Variants in PIGA observed in about 807,000 individuals in gnomAD.
PIGA encodes phosphatidylinositol glycan anchor biosynthesis class A.
A neutral mutation model predicts 17.1 loss-of-function variants in PIGA; 3 were observed. The ratio of observed to expected loss-of-function variants is 0.18; its 90% CI spans 0.08 to 0.45. The LOEUF (loss-of-function observed/expected upper bound fraction) is 0.45. Among genes scored for constraint, PIGA ranks in the 20% least tolerant of loss-of-function variants. The probability of loss-of-function intolerance (pLI) is 0.99; values close to 1 mark genes in which losing one functional copy is unlikely to be tolerated. For synonymous variants in PIGA, 126 were observed against 135.1 expected (o/e 0.93, Z 0.47); for missense variants, 231 against 374.1 (o/e 0.62, Z 3.16).
intron 1 of PIGA, among the ~76,000 whole-genome samples, chrX:15,333,287 T>C (rs1439183777): frequency 8.9e-6 from 1 of 112,637 alleles, no homozygotes; most frequent in Non-Finnish European, 1.9e-5. Flanking sequence ...TGGTTTACAC[T>C]AAAACACACC....
chrX:15,324,529 C>T, intron 5 of PIGA, 136 bp downstream of exon 5: 1 of 518,760 alleles, frequency 1.9e-6, no homozygotes, highest in Non-Finnish European at 3.3e-6. Flanking sequence ...AAATCTGTTT[C>T]TTTTCACCTG....
rs760682734 is a variant in PIGA, at chrX:15,331,511, G to A, written c.420C>T (p.Phe140=). 1.1e-5 allele frequency: 13 copies of A among 1,211,952 alleles called. No homozygotes were observed. The highest frequency in any genetic ancestry group is 1.2e-5 in the Non-Finnish European group (11 of 895,447). Residue 140 remains phenylalanine (F), a synonymous_variant, in exon 2 of 6, where the codon TTC becomes TTT. Coordinates refer to ENST00000333590, the MANE Select transcript of PIGA (RefSeq NM_002641.4). ...SFSAMAHDAL[F]HAKTMGLQTV... is the part of the protein sequence containing the mutation. Reference sequence around the variant, plus strand: ...TCTGAAGCCCCATTGTCTTGGCGTGGAAGAGAGCATCATGGGCCATAGCAG... The same window carrying A: ...TCTGAAGCCCCATTGTCTTGGCGTGAAAGAGAGCATCATGGGCCATAGCAG...
chrX:15,333,174 G>A (rs945951428), intron 1 of PIGA, among the ~76,000 whole-genome samples: 4 of 111,767 alleles, frequency 3.6e-5, no homozygotes, highest in Non-Finnish European at 7.5e-5. Context: ...CCACAGAGCT[G>A]AAAATATTTA....
intron 1 of PIGA, among the ~76,000 whole-genome samples, chrX:15,334,260 G>A (rs947537135): frequency 6.2e-5 from 6 of 97,513 alleles, no homozygotes; most frequent in South Asian, 4.9e-4. Flanking sequence ...GAGCGATCTC[G>A]TCTCACTGCA....
At chrX:15,329,823 G>C (rs766346470) in intron 2 of PIGA, among the ~76,000 whole-genome samples, 1 of 111,584 alleles carries the variant, frequency 9.0e-6, no homozygotes, top group Non-Finnish European at 1.9e-5. Context: ...AGTGGCTCAC[G>C]CCTGTTAATC....
chrX:15,330,998 T>A (rs893924995), intron 2 of PIGA: 5 of 354,415 alleles, frequency 1.4e-5, no homozygotes, highest in African/African-American at 7.7e-5. Flanking sequence ...TTAGTAACCA[T>A]TAAAACATCA....
Position 15,325,863 on chromosome X carries a change from T to G in PIGA, c.848+51A>C, listed in dbSNP as rs1311210401. 4 of 1,077,713 alleles carry G rather than the reference T, an allele frequency of 3.7e-6. No homozygotes were observed. In the African/African-American group the frequency reaches 7.4e-5, roughly 20 times the overall value. The allele number at this position is 1,077,713 out of a possible 1,213,427, so 88.8% of individuals were successfully genotyped here. A position where few individuals can be genotyped will look rare whatever the true frequency, so the allele number is the denominator to read the frequency against. ...AGGTACGCATGCAGTTAAAACCAAA[T>G]AGAGATAATTGACATCTTCTCCCTC... is the stretch of plus-strand genomic sequence containing the variant. On this transcript the variant is annotated intron_variant, in intron 3 of 5. Coordinates refer to ENST00000333590, the MANE Select transcript of PIGA (RefSeq NM_002641.4).
chrX:15,323,777 C>G (rs1441533220), intron 5 of PIGA, among the ~76,000 whole-genome samples: 1 of 111,853 alleles, frequency 8.9e-6, no homozygotes, highest in East Asian at 2.8e-4. Context: ...TTGCTATCTA[C>G]TCTAGGCTAA....
chrX:15,331,483 C>T lies in PIGA; in HGVS notation c.448G>A (p.Val150Ile). The change falls in exon 2 of 6, where the codon GTC (valine) becomes ATC (isoleucine). Residue 150 changes from valine to isoleucine, a missense_variant. Physicochemically the swap from Val to Ile is conservative, Grantham distance 29. Coordinates refer to ENST00000333590, the MANE Select transcript of PIGA (RefSeq NM_002641.4). Reference sequence around the variant, plus strand: ...CCAAAAAGGGAATGGTCCGTGAAGACTGTCTGAAGCCCCATTGTCTTGGCG... The same window carrying T: ...CCAAAAAGGGAATGGTCCGTGAAGATTGTCTGAAGCCCCATTGTCTTGGCG... ...FHAKTMGLQT[V>I]FTDHSLFGFA... The T allele has an allele frequency of 8.2e-7, 1 of 1,212,198 alleles. No homozygotes were observed.
At chrX:15,323,737 C>T (rs959791873) in intron 5 of PIGA, among the ~76,000 whole-genome samples, 2 of 112,045 alleles carry the variant, frequency 1.8e-5, no homozygotes, top group African/African-American at 3.2e-5. Context: ...GAAAGCCTTA[C>T]AGTAAAGAGC....
intron 2 of PIGA, chrX:15,331,002 A>G: frequency 2.8e-6 from 1 of 361,859 alleles, no homozygotes; most frequent in Non-Finnish European, 4.8e-6. Context: ...TAACCATTAA[A>G]ACATCAAAGG....
In PIGA at chrX:15,321,539, C is replaced by T. The variant is rs1381482858; in HGVS notation, c.1422G>A (p.Gly474=). ...WTNNYSHSKR[G]GENNEISETR Reference sequence around the variant, plus strand: ...TTTCAGATATCTCATTATTCTCACCCCCTCTTTTACTGTGAGAATAGTTAT... The same window carrying T: ...TTTCAGATATCTCATTATTCTCACCTCCTCTTTTACTGTGAGAATAGTTAT... The change falls in exon 6 of 6, where the codon GGG becomes GGA. Residue 474 remains glycine, a synonymous_variant. Coordinates refer to ENST00000333590, the MANE Select transcript of PIGA (RefSeq NM_002641.4). 2.0e-5 allele frequency: 24 copies of T among 1,203,904 alleles called. No individual in the cohort carries two copies. The highest frequency in any genetic ancestry group is 2.7e-5 in the Non-Finnish European group (24 of 889,451).
chrX:15,322,709 C>T (rs5934236), intron 5 of PIGA, among the ~76,000 whole-genome samples: 37,123 of 110,571 alleles, frequency 0.34, 4,763 homozygotes, highest in South Asian at 0.56. Context: ...ATGTTTTCAT[C>T]GAGCTCTTTT....
In PIGA at chrX:15,331,976, G is replaced by A; in HGVS notation, c.-46C>T. The stretch of plus-strand genomic sequence containing the variant: ...AGTTCTTAGAGCAACCCAGTTAAGA[G>A]ATGTGTCCTCTATTACCTGAAAAAG... On this transcript the variant is annotated 5_prime_UTR_variant, in exon 2 of 6. Coordinates refer to ENST00000333590, the MANE Select transcript of PIGA (RefSeq NM_002641.4). 1.7e-6 allele frequency: 2 copies of A among 1,147,216 alleles called. No individual in the cohort carries two copies. The highest frequency in any genetic ancestry group is 2.3e-6 in the Non-Finnish European group (2 of 863,009). The allele number at this position is 1,147,216 out of a possible 1,213,427, so 94.5% of individuals were successfully genotyped here.
chrX:15,334,310 C>T (rs1391360636), intron 1 of PIGA, among the ~76,000 whole-genome samples: 1 of 108,295 alleles, frequency 9.2e-6, no homozygotes, highest in Non-Finnish European at 1.9e-5. Flanking sequence ...CCCACTTCAG[C>T]CTCCTGAATA....
At chrX:15,326,733 A>C (rs1921982920) in intron 2 of PIGA, among the ~76,000 whole-genome samples, 1 of 111,975 alleles carries the variant, frequency 8.9e-6, no homozygotes, top group South Asian at 3.7e-4. Context: ...CAGGGCATCA[A>C]CTGTTAGATC....
rs756463073 is a variant in PIGA, at chrX:15,321,025, A to C, written c.*481T>G. ...GTAACACCTACTGAGTGAACCTAATAAATGTTCAAAGACATGATTTAGATT... is the reference window on the plus strand; with the variant it reads ...GTAACACCTACTGAGTGAACCTAATCAATGTTCAAAGACATGATTTAGATT... On this transcript the variant is annotated 3_prime_UTR_variant, in exon 6 of 6. Coordinates refer to ENST00000333590, the MANE Select transcript of PIGA (RefSeq NM_002641.4). The C allele has an allele frequency of 3.5e-5, 4 of 115,366 alleles. No individual in the cohort carries two copies. Among genetic ancestry groups the C allele is most frequent in the African/African-American group, 1.3e-4 (4 of 30,862 alleles). The allele number at this position is 115,366 out of a possible 1,213,427, so 9.5% of individuals were successfully genotyped here. A position where few individuals can be genotyped will look rare whatever the true frequency, so the allele number is the denominator to read the frequency against.
chrX:15,329,337 T>C (rs1345252232), intron 2 of PIGA, among the ~76,000 whole-genome samples: 1 of 112,520 alleles, frequency 8.9e-6, no homozygotes, highest in African/African-American at 3.2e-5. Flanking sequence ...AAAAAGTTCT[T>C]GGCAGATGAG....
intron 2 of PIGA, among the ~76,000 whole-genome samples, chrX:15,330,604 T>C (rs1043269948): frequency 9.0e-6 from 1 of 111,154 alleles, no homozygotes; most frequent in African/African-American, 3.3e-5. Context: ...GCCCTTTACT[T>C]CTTTTTTTTT....
Sources: gnomAD v4.1 joint callset for allele counts (sites outside exome capture counted in the v4.1 genomes callset) on GRCh38, gnomAD v4.1.1 for gene constraint, MANE v1.5 for transcripts, NCBI Gene and HGNC (gene_info 2026-07-23, HGNC 2026-07-21) for gene names.